The following ELP4 variants were observed in gnomAD, a reference collection of about 807,000 sequenced individuals.
ELP4 encodes the protein elongator acetyltransferase complex subunit 4.
A neutral mutation model predicts 48.9 loss-of-function variants in ELP4; 51 were observed. That is an observed-to-expected ratio of 1.04 (90% confidence interval 0.83 to 1.32). The LOEUF is 1.32. Among genes scored for constraint, ELP4 ranks in the 40% most tolerant of loss-of-function variants. The probability of loss-of-function intolerance (pLI) is 0.00; values close to 1 mark genes in which losing one functional copy is unlikely to be tolerated. For missense variants in ELP4, 519 were observed against 514.6 expected (o/e 1.01, Z -0.08); for synonymous variants, 210 against 189.2 (o/e 1.11, Z -0.90).
chr11:31,680,008 T>G (rs1471920174), intron 9 of ELP4, among the ~76,000 whole-genome samples: 1 of 152,236 alleles, frequency 6.6e-6, no homozygotes, highest in Non-Finnish European at 1.5e-5. Flanking sequence ...CTTTTGGTAT[T>G]GGTCCCTGTG....
chr11:31,732,394 A>T (rs1947210721), intron 9 of ELP4, among the ~76,000 whole-genome samples: 2 of 151,964 alleles, frequency 1.3e-5, no homozygotes, highest in African/African-American at 4.8e-5. Context: ...GTTTTGTGTT[A>T]GCCCCATGGT....
chr11:31,648,122 C>T (rs1281584784), intron 8 of ELP4: 3 of 251,242 alleles, frequency 1.2e-5, no homozygotes, highest in Non-Finnish European at 2.3e-5. Context: ...TTAAGGTAGC[C>T]ATGTAATCAG....
intron 9 of ELP4, among the ~76,000 whole-genome samples, chr11:31,694,692 T>G (rs893657840): frequency 6.6e-6 from 1 of 152,222 alleles, no homozygotes; most frequent in African/African-American, 2.4e-5. Context: ...TTTCTAATTC[T>G]GTGAAGAAAG....
At chr11:31,611,063 C>G (rs1957969435) in intron 5 of ELP4, among the ~76,000 whole-genome samples, 5 of 152,184 alleles carry the variant, frequency 3.3e-5, no homozygotes, top group Admixed American at 3.3e-4. Context: ...CTTGCCACAG[C>G]TGTTGGGATA....
chr11:31,632,148 A>G (rs1294980330), intron 6 of ELP4, 69 bp from the exon 7 acceptor site: 2 of 1,289,178 alleles, frequency 1.6e-6, no homozygotes, highest in Admixed American at 4.8e-5. Context: ...ATAAGAACTG[A>G]CAGATAAAAG....
Position 31,584,467 on chromosome 11 carries a change from C to G in ELP4, c.382-10303C>G, listed in dbSNP as rs928736989. Among the ~76,000 whole-genome samples, 60 of 151,706 alleles carry G rather than the reference C, an allele frequency of 4.0e-4. 1 individual carries two copies. Among genetic ancestry groups the G allele is most frequent in the Non-Finnish European group, 6.9e-4 (47 of 67,926 alleles). On this transcript the variant is annotated intron_variant, in intron 3 of 9. Transcript: ENST00000640961. ...TAAAGGCAGGAAAATAATAGAGAACCAAGAATGTAAGATAACTTTAAAATA... is the reference window on the plus strand; with the variant it reads ...TAAAGGCAGGAAAATAATAGAGAACGAAGAATGTAAGATAACTTTAAAATA...
At chr11:31,549,901 C>A (rs563447513) in intron 3 of ELP4, among the ~76,000 whole-genome samples, 1 of 152,226 alleles carries the variant, frequency 6.6e-6, no homozygotes, top group African/African-American at 2.4e-5. Flanking sequence ...AAACCAAACA[C>A]CACACTTTAT....
intron 9 of ELP4, among the ~76,000 whole-genome samples, chr11:31,771,659 T>C (rs1015667116): frequency 3.9e-5 from 6 of 152,214 alleles, no homozygotes; most frequent in Admixed American, 3.9e-4. Context: ...CTTCTTTCTC[T>C]GGGTCTTATG....
intron 7 of ELP4, among the ~76,000 whole-genome samples, chr11:31,636,097 T>G (rs537343807): frequency 6.6e-6 from 1 of 152,142 alleles, no homozygotes; most frequent in South Asian, 2.1e-4. Context: ...ATACACTTAT[T>G]TAACAAATAA....
intron 9 of ELP4, among the ~76,000 whole-genome samples, chr11:31,779,250 A>G (rs1280594297): frequency 6.6e-6 from 1 of 152,222 alleles, no homozygotes; most frequent in Admixed American, 6.5e-5. Context: ...TCTTGGCAAA[A>G]TGTGAAAAAT....
intron 9 of ELP4, among the ~76,000 whole-genome samples, chr11:31,773,235 C>G (rs768499950): frequency 6.6e-6 from 1 of 152,220 alleles, no homozygotes; most frequent in Non-Finnish European, 1.5e-5. Context: ...TGCAAGTAAT[C>G]ACAGCCAAAG....
At chr11:31,593,539 C>T (rs569374203) in intron 3 of ELP4, among the ~76,000 whole-genome samples, 1 of 152,224 alleles carries the variant, frequency 6.6e-6, no homozygotes, top group African/African-American at 2.4e-5. Context: ...AGACACTGCA[C>T]GCAGCCTGAA....
intron 9 of ELP4, among the ~76,000 whole-genome samples, chr11:31,666,067 G>A (rs995250217): frequency 1.6e-5 from 2 of 125,618 alleles, no homozygotes; most frequent in African/African-American, 3.2e-5. Context: ...GGAGTACAGT[G>A]ACACAATCTA....
chr11:31,519,488 T>C (rs116464402), intron 1 of ELP4, among the ~76,000 whole-genome samples: 275 of 152,318 alleles, frequency 1.8e-3, no homozygotes, highest in African/African-American at 6.3e-3. Context: ...TGTGGTTCTA[T>C]CATAGAAGAA....
intron 9 of ELP4, among the ~76,000 whole-genome samples, chr11:31,671,347 A>T (rs1296248186): frequency 6.6e-6 from 1 of 152,212 alleles, no homozygotes; most frequent in Non-Finnish European, 1.5e-5. Context: ...AGCAAAAATG[A>T]TTTAACTACC....
intron 9 of ELP4, among the ~76,000 whole-genome samples, chr11:31,706,625 A>G (rs958005058): frequency 1.9e-4 from 28 of 148,084 alleles, no homozygotes; most frequent in Non-Finnish European, 2.2e-4. Context: ...TATATATTTA[A>G]TTCATATATT....
At chr11:31,665,550 A>G (rs1478357307) in intron 9 of ELP4, among the ~76,000 whole-genome samples, 2 of 151,996 alleles carry the variant, frequency 1.3e-5, no homozygotes, top group Admixed American at 6.6e-5. Flanking sequence ...TTGATATACC[A>G]TAATCATCAA....
chr11:31,779,517 G>T (rs767342868), intron 9 of ELP4, among the ~76,000 whole-genome samples: 1 of 152,172 alleles, frequency 6.6e-6, no homozygotes, highest in African/African-American at 2.4e-5. Flanking sequence ...ACAAAGAGAC[G>T]GAGAGGCAAG....
At chr11:31,520,869 T>G (rs1238215643) in intron 2 of ELP4, among the ~76,000 whole-genome samples, 1 of 152,120 alleles carries the variant, frequency 6.6e-6, no homozygotes, top group Non-Finnish European at 1.5e-5. Flanking sequence ...TTCTGATTAT[T>G]CTTTTTATGC....
Sources: gnomAD v4.1 joint callset for allele counts (sites outside exome capture counted in the v4.1 genomes callset) on GRCh38, gnomAD v4.1.1 for gene constraint, MANE v1.5 for transcripts, NCBI Gene and HGNC (gene_info 2026-07-23, HGNC 2026-07-21) for gene names.